The following FAM120A variants were observed in gnomAD, a reference collection of about 807,000 sequenced individuals.
FAM120A encodes the protein family with sequence similarity 120 member A, also known as constitutive coactivator of PPAR-gamma-like protein 1.
Under a neutral mutation model 109.7 loss-of-function variants are expected in FAM120A, and 15 were observed. The observed-to-expected ratio is 0.14, with a 90% CI of 0.09 to 0.21. The LOEUF (loss-of-function observed/expected upper bound fraction) is 0.21. Among genes scored for constraint, FAM120A ranks in the 10% least tolerant of loss-of-function variants. The pLI is 1.00. For synonymous variants in FAM120A, 493 were observed against 572.8 expected (o/e 0.86, Z 1.99); for missense variants, 899 against 1,439.3 (o/e 0.62, Z 6.07).
intron 7 of FAM120A, among the ~76,000 whole-genome samples, chr9:93,523,537 T>C (rs1366962491): frequency 1.3e-5 from 2 of 152,196 alleles, no homozygotes; most frequent in African/African-American, 4.8e-5. Context: ...TTGGCAAAAA[T>C]TAATTGTGAT....
In FAM120A at chr9:93,529,947, C is replaced by A. The variant is rs1346324533; in HGVS notation, c.1734+367C>A. ...TCAGGTTTAATTCTGATGTCAGATA[C>A]AATATCTGGTTCCTTTATCATTTGT... On this transcript the variant is annotated intron_variant, in intron 9 of 17. Coordinates refer to ENST00000277165, the MANE Select transcript of FAM120A (RefSeq NM_014612.5). 4 of 474,348 alleles carry A rather than the reference C, an allele frequency of 8.4e-6. No individual in the cohort carries two copies. The East Asian group carries it at 1.5e-4, about 17-fold the overall frequency. The allele number at this position is 474,348 out of a possible 1,614,324, so 29.4% of individuals were successfully genotyped here. A position where few individuals can be genotyped will look rare whatever the true frequency, so the allele number is the denominator to read the frequency against.
intron 9 of FAM120A, chr9:93,531,099 A>G (rs530335081): frequency 6.6e-6 from 1 of 152,348 alleles, no homozygotes; most frequent in East Asian, 1.9e-4. Flanking sequence ...TTAATTGCCC[A>G]GGCTAAGACA....
chr9:93,501,390 T>C (rs960567545), intron 5 of FAM120A, among the ~76,000 whole-genome samples: 9 of 152,224 alleles, frequency 5.9e-5, no homozygotes, highest in African/African-American at 1.2e-4. Context: ...TGTGTTCTTA[T>C]CAAATTATTA....
intron 9 of FAM120A, among the ~76,000 whole-genome samples, chr9:93,531,949 A>G (rs1265042973): frequency 2.0e-5 from 3 of 152,194 alleles, no homozygotes; most frequent in Non-Finnish European, 2.9e-5. Flanking sequence ...TGTAGATTTT[A>G]TTTTGATTCT....
At chr9:93,551,790 A>G (rs942726781) in intron 12 of FAM120A, among the ~76,000 whole-genome samples, 11 of 152,244 alleles carry the variant, frequency 7.2e-5, no homozygotes, top group African/African-American at 2.7e-4. Flanking sequence ...ACTTAGAAAT[A>G]AGCTAAGTAA....
At chr9:93,456,173 A>G (rs530458911) in intron 1 of FAM120A, among the ~76,000 whole-genome samples, 1 of 152,310 alleles carries the variant, frequency 6.6e-6, no homozygotes, top group East Asian at 1.9e-4. Context: ...GGCTTTAGCT[A>G]GTTACTTGGA....
chr9:93,496,500 C>T (rs1303535510), intron 3 of FAM120A, among the ~76,000 whole-genome samples: 1 of 152,198 alleles, frequency 6.6e-6, no homozygotes, highest in East Asian at 1.9e-4. Context: ...TGTATGTTAA[C>T]ATGCAAGGGC....
At chr9:93,524,709 C>G (rs1225578034) in intron 7 of FAM120A, among the ~76,000 whole-genome samples, 1 of 152,180 alleles carries the variant, frequency 6.6e-6, no homozygotes, top group Non-Finnish European at 1.5e-5. Flanking sequence ...ATCCAGCTAC[C>G]TTATTTGTGA....
At position 93,527,254 on chromosome 9, in the gene FAM120A, A is replaced by T; in HGVS notation, c.1506+12A>T. 1 of 1,609,532 alleles carries T rather than the reference A, an allele frequency of 6.2e-7. No homozygotes were observed. ...GAGACCAAACAAAGGTAGAAAGTCT[A>T]TGCCTTTTAGTTTTTGAGTTCTGAC... On this transcript the variant is annotated intron_variant, in intron 8 of 17. Coordinates refer to ENST00000277165, the MANE Select transcript of FAM120A (RefSeq NM_014612.5).
At chr9:93,484,330 A>G (rs1263589024) in intron 3 of FAM120A, among the ~76,000 whole-genome samples, 1 of 152,124 alleles carries the variant, frequency 6.6e-6, no homozygotes, top group Non-Finnish European at 1.5e-5. Flanking sequence ...GATTGCTTTT[A>G]GTTTGGCTCC....
intron 3 of FAM120A, among the ~76,000 whole-genome samples, chr9:93,480,017 ATTAG>A (rs1288696628): frequency 3.3e-5 from 5 of 152,156 alleles, no homozygotes; most frequent in African/African-American, 4.8e-5. Context: ...GTCCTGCCTT[ATTAG>A]TTAGTAGTAG....
intron 12 of FAM120A, among the ~76,000 whole-genome samples, chr9:93,551,579 C>T (rs1178802517): frequency 6.6e-6 from 1 of 152,074 alleles, no homozygotes; most frequent in African/African-American, 2.4e-5. Context: ...AAATTGCCTT[C>T]ACCTTTAGAT....
chr9:93,502,050 A>G (rs993854051), intron 5 of FAM120A, among the ~76,000 whole-genome samples: 3 of 152,204 alleles, frequency 2.0e-5, no homozygotes, highest in Non-Finnish European at 4.4e-5. Flanking sequence ...TTTTATAAGT[A>G]GTAGATAGGT....
chr9:93,531,725 T>G (rs1368604375), intron 9 of FAM120A, among the ~76,000 whole-genome samples: 2 of 152,240 alleles, frequency 1.3e-5, no homozygotes, highest in African/African-American at 4.8e-5. Context: ...CATTATATTT[T>G]CAGGATACTC....
intron 11 of FAM120A, 70 bp from the exon 12 acceptor site, chr9:93,550,507 C>T (rs1862060290): frequency 1.8e-6 from 2 of 1,115,696 alleles, no homozygotes; most frequent in Admixed American, 1.7e-5. Context: ...CTAGAACCTC[C>T]CACTGGACTT....
intron 3 of FAM120A, among the ~76,000 whole-genome samples, chr9:93,486,358 C>A (rs751198612): frequency 6.6e-6 from 1 of 151,940 alleles, no homozygotes; most frequent in Non-Finnish European, 1.5e-5. Flanking sequence ...AGTTGGTAGA[C>A]ACTTGGGTTA....
intron 5 of FAM120A, among the ~76,000 whole-genome samples, chr9:93,507,973 G>A (rs1860140510): frequency 6.6e-6 from 1 of 152,170 alleles, no homozygotes; most frequent in Non-Finnish European, 1.5e-5. Context: ...TGAACAGGTT[G>A]AAGTTGTTAT....
chr9:93,504,726 C>G (rs1859954428), intron 5 of FAM120A, among the ~76,000 whole-genome samples: 1 of 152,080 alleles, frequency 6.6e-6, no homozygotes, highest in Non-Finnish European at 1.5e-5. Context: ...AGCTGCTTGC[C>G]ATGATGGATA....
rs1049056023 is a variant in FAM120A, at chr9:93,534,513, G to A, written c.1909+2184G>A. Among the ~76,000 whole-genome samples the A allele has an allele frequency of 5.3e-5, 8 of 152,300 alleles. No homozygotes were observed. In the South Asian group the frequency reaches 1.5e-3, roughly 28 times the overall value. On this transcript the variant is annotated intron_variant, in intron 10 of 17. Coordinates refer to ENST00000277165, the MANE Select transcript of FAM120A (RefSeq NM_014612.5). Reference sequence around the variant, plus strand: ...AAGGGACACAGGAGAACACAAAACAGGATGGTGGCAGCAGGTGGCACTGGG... The same window carrying A: ...AAGGGACACAGGAGAACACAAAACAAGATGGTGGCAGCAGGTGGCACTGGG...
Sources: allele counts gnomAD v4.1 joint callset (sites outside exome capture counted in the v4.1 genomes callset), GRCh38; gene constraint gnomAD v4.1.1; transcripts MANE v1.5; gene names NCBI Gene and HGNC (gene_info 2026-07-23, HGNC 2026-07-21).